The following CCSER1 variants were observed in gnomAD, a reference collection of about 807,000 sequenced individuals.
CCSER1 encodes serine-rich coiled-coil domain-containing protein 1.
Under a neutral mutation model 82.0 loss-of-function variants are expected in CCSER1, and 41 were observed. The ratio of observed to expected loss-of-function variants is 0.50; its 90% CI spans 0.39 to 0.65. The LOEUF (loss-of-function observed/expected upper bound fraction) is 0.65, where lower values mean the gene tolerates loss of function less well. CCSER1 is among the 30% of genes least tolerant of loss of function. The pLI is 0.00. For missense variants in CCSER1, 1,119 were observed against 1,064.2 expected, an observed-to-expected ratio of 1.05 and a Z score of -0.72; for synonymous variants, 414 against 383.9, an observed-to-expected ratio of 1.08 and a Z score of -0.92.
chr4:91,164,096 C>A (rs1012841192), intron 10 of CCSER1, among the ~76,000 whole-genome samples: 3 of 152,140 alleles, frequency 2.0e-5, no homozygotes, highest in Non-Finnish European at 4.4e-5. Flanking sequence ...TTTAGTGCTT[C>A]CTTCAGGAGC....
At chr4:90,565,396 G>T (rs1289683006) in intron 5 of CCSER1, among the ~76,000 whole-genome samples, 10 of 151,958 alleles carry the variant, frequency 6.6e-5, no homozygotes, top group Admixed American at 3.3e-4. Flanking sequence ...ATTATTAATA[G>T]TTCTAACCAT....
intron 1 of CCSER1, among the ~76,000 whole-genome samples, chr4:90,253,227 T>C (rs1253449097): frequency 6.6e-6 from 1 of 152,072 alleles, no homozygotes; most frequent in Non-Finnish European, 1.5e-5. Flanking sequence ...TAAAATCAGT[T>C]AAGAAAAGGA....
chr4:91,091,424 AC>A (rs986656303), intron 10 of CCSER1, among the ~76,000 whole-genome samples: 1 of 152,160 alleles, frequency 6.6e-6, no homozygotes, highest in Non-Finnish European at 1.5e-5. Context: ...TAACTATAGA[AC>A]AAAAAAAATT....
intron 8 of CCSER1, among the ~76,000 whole-genome samples, chr4:90,880,129 G>T (rs1480246135): frequency 1.2e-4 from 18 of 152,090 alleles, no homozygotes; most frequent in Admixed American, 2.0e-4. Flanking sequence ...CTTTCTCAAT[G>T]CTCTCTGAAA....
chr4:90,834,849 C>T (rs1457584292), intron 8 of CCSER1, among the ~76,000 whole-genome samples: 1 of 152,168 alleles, frequency 6.6e-6, no homozygotes, highest in Non-Finnish European at 1.5e-5. Context: ...GTACAGAATA[C>T]TTACAGTTAT....
At chr4:90,597,097 T>C (rs1200255610) in intron 5 of CCSER1, among the ~76,000 whole-genome samples, 5 of 152,018 alleles carry the variant, frequency 3.3e-5, no homozygotes, top group Admixed American at 2.0e-4. Context: ...CGTATATTTC[T>C]ACAGAAATTT....
chr4:90,354,580 T>G (rs1478614680), intron 3 of CCSER1, among the ~76,000 whole-genome samples: 1 of 152,100 alleles, frequency 6.6e-6, no homozygotes, highest in African/African-American at 2.4e-5. Context: ...TATCAAATCA[T>G]CATATTGTAC....
intron 8 of CCSER1, among the ~76,000 whole-genome samples, chr4:90,846,326 G>A (rs1763231918): frequency 6.6e-6 from 1 of 152,084 alleles, no homozygotes; most frequent in African/African-American, 2.4e-5. Flanking sequence ...ATAAGTTTAG[G>A]TATATCATCC....
chr4:90,217,310 C>T (rs1403217611), intron 1 of CCSER1, among the ~76,000 whole-genome samples: 2 of 152,134 alleles, frequency 1.3e-5, no homozygotes, highest in East Asian at 3.9e-4. Flanking sequence ...GATTCTCTTG[C>T]CTCAGCCTCC....
intron 4 of CCSER1, among the ~76,000 whole-genome samples, chr4:90,454,436 C>G (rs1761915532): frequency 1.3e-5 from 2 of 151,968 alleles, no homozygotes; most frequent in Non-Finnish European, 2.9e-5. Flanking sequence ...TATGCTTTAC[C>G]AAGACCCCTT....
intron 10 of CCSER1, among the ~76,000 whole-genome samples, chr4:91,406,234 A>T (rs1379600746): frequency 6.6e-6 from 1 of 152,096 alleles, no homozygotes; most frequent in African/African-American, 2.4e-5. Flanking sequence ...TGCATAATAG[A>T]CTTCTAAGCA....
At chr4:90,642,191 A>G (rs1726660624) in intron 6 of CCSER1, 1 of 155,936 alleles carries the variant, frequency 6.4e-6, no homozygotes, top group African/African-American at 2.4e-5. Context: ...TCTGAGACAC[A>G]TTTTTACTGA....
At chr4:91,387,320 G>C (rs886651656) in intron 10 of CCSER1, among the ~76,000 whole-genome samples, 1 of 151,782 alleles carries the variant, frequency 6.6e-6, no homozygotes, top group African/African-American at 2.4e-5. Context: ...CCTTGATTTT[G>C]CAACTTTTCT....
At chr4:91,232,469 A>G (rs959099237) in intron 10 of CCSER1, among the ~76,000 whole-genome samples, 4 of 151,856 alleles carry the variant, frequency 2.6e-5, no homozygotes, top group Admixed American at 6.6e-5. Flanking sequence ...AAGATACAGC[A>G]TAGTGTATAT....
rs149066499 is a variant in CCSER1, at chr4:90,411,386, G to T, written c.1603+11257G>T. On this transcript the variant is annotated intron_variant, in intron 4 of 10. Transcript: ENST00000509176. ...TGCAAAAATCCTCAATAAAATACTG[G>T]CAAACTGAATCCAGCAACACATCAA... Among the ~76,000 whole-genome samples, 167 of 152,282 alleles carry T rather than the reference G, an allele frequency of 1.1e-3. 1 individual carries two copies. Among genetic ancestry groups the T allele is most frequent in the African/African-American group, 3.7e-3 (154 of 41,574 alleles).
chr4:91,145,510 G>C (rs946857908), intron 10 of CCSER1, among the ~76,000 whole-genome samples: 1 of 152,078 alleles, frequency 6.6e-6, no homozygotes, highest in South Asian at 2.1e-4. Flanking sequence ...TTAGCTGGTT[G>C]CTTTGAAGTC....
intron 5 of CCSER1, among the ~76,000 whole-genome samples, chr4:90,593,114 T>G (rs182704798): frequency 2.4e-4 from 36 of 152,244 alleles, no homozygotes; most frequent in African/African-American, 8.2e-4. Flanking sequence ...CTTGCAAAAA[T>G]TACTATTTCA....
intron 10 of CCSER1, among the ~76,000 whole-genome samples, chr4:91,361,683 C>A (rs997427379): frequency 1.3e-5 from 2 of 151,768 alleles, no homozygotes; most frequent in East Asian, 3.9e-4. Flanking sequence ...AGAGCGAAAT[C>A]TATGAAGACA....
intron 8 of CCSER1, among the ~76,000 whole-genome samples, chr4:90,822,156 G>A (rs187324055): frequency 1.8e-4 from 28 of 152,222 alleles, no homozygotes; most frequent in African/African-American, 5.3e-4. Flanking sequence ...TTCTATGACC[G>A]TGAAGAGAAG....
Sources: allele counts gnomAD v4.1 joint callset (sites outside exome capture counted in the v4.1 genomes callset), GRCh38; gene constraint gnomAD v4.1.1; transcripts MANE v1.5; gene names NCBI Gene and HGNC (gene_info 2026-07-23, HGNC 2026-07-21).